SLC38A1: variants seen among roughly 807,000 people sequenced by gnomAD.
The protein encoded by SLC38A1 is solute carrier family 38 member 1.
Under a neutral mutation model 60.3 loss-of-function variants are expected in SLC38A1, and 18 were observed. The observed-to-expected ratio is 0.30, with a 90% confidence interval of 0.21 to 0.44. SLC38A1 has a LOEUF of 0.44. SLC38A1 is among the 20% of genes least tolerant of loss of function. The probability of loss-of-function intolerance (pLI) is 1.00; values close to 1 mark genes in which losing one functional copy is unlikely to be tolerated. For synonymous variants in SLC38A1, 196 were observed against 212.1 expected, an observed-to-expected ratio of 0.92 and a Z score of 0.66; for missense variants, 448 against 587.2, an observed-to-expected ratio of 0.76 and a Z score of 2.45.
At chr12:46,193,503 G>A (rs538952950) in intron 16 of SLC38A1, among the ~76,000 whole-genome samples, 117 of 152,212 alleles carry the variant, frequency 7.7e-4, no homozygotes, top group African/African-American at 2.7e-3. Flanking sequence ...CTTCTGTCTC[G>A]TTGATCTGTC....
intron 16 of SLC38A1, chr12:46,197,488 C>T: frequency 2.6e-6 from 1 of 377,820 alleles, no homozygotes; most frequent in South Asian, 2.8e-5. Context: ...GCCTGGGCGA[C>T]AGAGTGAGAC....
At chr12:46,250,647 A>T (rs761582119) in intron 1 of SLC38A1, among the ~76,000 whole-genome samples, 1 of 152,252 alleles carries the variant, frequency 6.6e-6, no homozygotes, top group Admixed American at 6.5e-5. Context: ...AAGTATCAGG[A>T]TACAAAATCA....
chr12:46,259,177 C>A (rs557890816), intron 1 of SLC38A1, among the ~76,000 whole-genome samples: 1 of 152,226 alleles, frequency 6.6e-6, no homozygotes, highest in East Asian at 1.9e-4. Context: ...ATTTTTAAAG[C>A]GGAGAAAGTG....
chr12:46,267,341 A>G (rs1250861168), intron 1 of SLC38A1: 2 of 152,272 alleles, frequency 1.3e-5, no homozygotes, highest in Non-Finnish European at 2.9e-5. Context: ...GAGGGTTTGT[A>G]CAAACCCCGG....
At chr12:46,208,254 T>C (rs1939997952) in intron 6 of SLC38A1, among the ~76,000 whole-genome samples, 2 of 152,246 alleles carry the variant, frequency 1.3e-5, no homozygotes, top group African/African-American at 4.8e-5. Flanking sequence ...AGTGTTCGAC[T>C]AGCTCATCTC....
chr12:46,259,319 A>C (rs1942128837), intron 1 of SLC38A1, among the ~76,000 whole-genome samples: 1 of 152,218 alleles, frequency 6.6e-6, no homozygotes, highest in Non-Finnish European at 1.5e-5. Flanking sequence ...TCTAAGAACT[A>C]ACATGGATCT....
At chr12:46,189,609 G>A (rs538663936) in intron 16 of SLC38A1, among the ~76,000 whole-genome samples, 34 of 152,158 alleles carry the variant, frequency 2.2e-4, no homozygotes, top group Non-Finnish European at 4.4e-4. Context: ...GTGGACAGAT[G>A]ATGATATGGT....
At chr12:46,209,447 C>G (rs1940051072) in intron 5 of SLC38A1, among the ~76,000 whole-genome samples, 1 of 152,140 alleles carries the variant, frequency 6.6e-6, no homozygotes, top group Non-Finnish European at 1.5e-5. Flanking sequence ...ATGTTGCACT[C>G]TCTGTTACAT....
At chr12:46,212,087 G>A (rs1940196086) in intron 5 of SLC38A1, among the ~76,000 whole-genome samples, 1 of 152,094 alleles carries the variant, frequency 6.6e-6, no homozygotes, top group East Asian at 1.9e-4. Context: ...ACCTAGAAAG[G>A]GTTAGAAAAA....
intron 16 of SLC38A1, among the ~76,000 whole-genome samples, chr12:46,193,294 GAC>G (rs1379809719): frequency 6.6e-6 from 1 of 152,218 alleles, no homozygotes; most frequent in African/African-American, 2.4e-5. Flanking sequence ...GTGTCTAAGA[GAC>G]AGTTTGCTGT....
chr12:46,219,619 C>A (rs1460582228), intron 5 of SLC38A1, among the ~76,000 whole-genome samples: 2 of 152,286 alleles, frequency 1.3e-5, no homozygotes, highest in South Asian at 4.1e-4. Flanking sequence ...TCTAATTAAA[C>A]CAACTACCAC....
At chr12:46,196,728 A>G (rs1249701954) in intron 16 of SLC38A1, among the ~76,000 whole-genome samples, 1 of 152,138 alleles carries the variant, frequency 6.6e-6, no homozygotes, top group Non-Finnish European at 1.5e-5. Flanking sequence ...TGCTTACACT[A>G]GCTGGGAGGG....
intron 1 of SLC38A1, among the ~76,000 whole-genome samples, chr12:46,260,077 GAC>G (rs2138968674): frequency 6.6e-6 from 1 of 152,290 alleles, no homozygotes; most frequent in South Asian, 2.1e-4. Flanking sequence ...AAGATTCCAT[GAC>G]TTGGTCCATG....
In SLC38A1 at chr12:46,183,516, C is replaced by T. The variant is rs1938836965; in HGVS notation, c.*5454G>A. 6.6e-6 allele frequency: 1 copy of T among 152,194 alleles called. No individual in the cohort carries two copies. Among genetic ancestry groups the T allele is most frequent in the Non-Finnish European group, 1.5e-5 (1 of 68,032 alleles). The allele number at this position is 152,194 out of a possible 1,614,324, so 9.4% of individuals were successfully genotyped here. A position where few individuals can be genotyped will look rare whatever the true frequency, so the allele number is the denominator to read the frequency against. On this transcript the variant is annotated 3_prime_UTR_variant, in exon 17 of 17. Coordinates refer to ENST00000398637, the MANE Select transcript of SLC38A1 (RefSeq NM_030674.4). ...CATAATTAATATTCAGGTTCCCTCT[C>T]CCCGCTTTCATAGATCCCAAAGTTT...
intron 16 of SLC38A1, among the ~76,000 whole-genome samples, chr12:46,190,291 C>T (rs772384496): frequency 6.6e-5 from 10 of 152,124 alleles, no homozygotes; most frequent in South Asian, 2.1e-4. Context: ...TGGCTGCATA[C>T]GATTCCATGG....
chr12:46,191,890 A>T (rs151095479), intron 16 of SLC38A1, among the ~76,000 whole-genome samples: 2 of 152,246 alleles, frequency 1.3e-5, no homozygotes, highest in East Asian at 3.9e-4. Context: ...AGACAATTTG[A>T]CTTCCTCCTC....
intron 16 of SLC38A1, among the ~76,000 whole-genome samples, chr12:46,189,552 A>C (rs1272970416): frequency 6.6e-6 from 1 of 152,230 alleles, no homozygotes; most frequent in Non-Finnish European, 1.5e-5. Context: ...GAAATAGGAA[A>C]CAGGTGTCAA....
At chr12:46,206,304 C>A in intron 8 of SLC38A1, 142 bp from the exon 9 acceptor site, 1 of 492,542 alleles carries the variant, frequency 2.0e-6, no homozygotes, top group Non-Finnish European at 3.6e-6. Context: ...TTATTCAGGT[C>A]TTATCCAAAC....
rs888162489 is a variant in SLC38A1 at position 46,184,700 on chromosome 12, C to G, written c.*4270G>C. On this transcript the variant is annotated 3_prime_UTR_variant, in exon 17 of 17. Coordinates refer to ENST00000398637, the MANE Select transcript of SLC38A1 (RefSeq NM_030674.4). ...TAAAAGGAGGACAGGATTATCACCA[C>G]ACGATTAACACAAACACTGGAGAAC... is the stretch of plus-strand genomic sequence containing the variant. The G allele has an allele frequency of 6.6e-6, 1 of 152,202 alleles. No individual in the cohort carries two copies. The highest frequency in any genetic ancestry group is 1.9e-4 in the East Asian group (1 of 5,196). The allele number at this position is 152,202 out of a possible 1,614,324, so 9.4% of individuals were successfully genotyped here.
Sources: gnomAD v4.1 joint callset for allele counts (sites outside exome capture counted in the v4.1 genomes callset) on GRCh38, gnomAD v4.1.1 for gene constraint, MANE v1.5 for transcripts, NCBI Gene and HGNC (gene_info 2026-07-23, HGNC 2026-07-21) for gene names.